Variants in FERMT1 observed in about 807,000 individuals in gnomAD.
The protein encoded by FERMT1 is FERM domain containing kindlin 1.
FERMT1 carries 60 observed loss-of-function variants against 85.3 expected under a neutral mutation model. The ratio of observed to expected loss-of-function variants is 0.70; its 90% CI spans 0.57 to 0.87. The LOEUF (loss-of-function observed/expected upper bound fraction) is 0.87. Ranked by LOEUF, FERMT1 falls within the 40% of genes least tolerant of loss-of-function variation. The pLI is 0.00. For synonymous variants in FERMT1, 275 were observed against 301.1 expected, an observed-to-expected ratio of 0.91 and a Z score of 0.90; for missense variants, 701 against 818.9, an observed-to-expected ratio of 0.86 and a Z score of 1.76.
rs944681018 is a variant in FERMT1 at position 6,075,240 on chromosome 20, T to C, written c.*1933A>G. On this transcript the variant is annotated 3_prime_UTR_variant, in exon 15 of 15. Coordinates refer to ENST00000217289, the MANE Select transcript of FERMT1 (RefSeq NM_017671.5). ...TGTTGAACTGAAGGTCTGGCTTTGG[T>C]AAATTAGGCAGAGATGTTCTCAGCA... 6.6e-6 allele frequency: 1 copy of C among 152,226 alleles called. No homozygotes were observed. Among genetic ancestry groups the C allele is most frequent in the Non-Finnish European group, 1.5e-5 (1 of 68,020 alleles). The allele number at this position is 152,226 out of a possible 1,614,324, so 9.4% of individuals were successfully genotyped here.
At chr20:6,113,876 C>G (rs931607722) in intron 3 of FERMT1, among the ~76,000 whole-genome samples, 20 of 152,330 alleles carry the variant, frequency 1.3e-4, no homozygotes, top group Admixed American at 7.2e-4. Context: ...ATCCTTATCT[C>G]AGGGTCTTCT....
At chr20:6,078,779 G>A (rs990556584) in intron 14 of FERMT1, among the ~76,000 whole-genome samples, 1 of 151,996 alleles carries the variant, frequency 6.6e-6, no homozygotes. Flanking sequence ...TTAAATTAGC[G>A]GCAGGATGCT....
chr20:6,082,897 C>T (rs1237952216), intron 13 of FERMT1, among the ~76,000 whole-genome samples: 1 of 152,002 alleles, frequency 6.6e-6, no homozygotes, highest in Admixed American at 6.6e-5. Context: ...TGAGCTCAGG[C>T]AATCCGTCCA....
intron 11 of FERMT1, 72 bp from the exon 12 acceptor site, chr20:6,085,359 G>A: frequency 7.3e-7 from 1 of 1,365,254 alleles, no homozygotes; most frequent in South Asian, 1.2e-5. Context: ...GGGGACTTGG[G>A]CTTTCTACCC....
At chr20:6,119,849 G>T (rs547541226) in intron 1 of FERMT1, among the ~76,000 whole-genome samples, 1 of 151,674 alleles carries the variant, frequency 6.6e-6, no homozygotes, top group African/African-American at 2.4e-5. Context: ...TATTTCCTTC[G>T]TCCACCCAAT....
intron 1 of FERMT1, among the ~76,000 whole-genome samples, chr20:6,120,102 A>G (rs553891727): frequency 6.6e-6 from 1 of 152,242 alleles, no homozygotes; most frequent in East Asian, 1.9e-4. Context: ...TAATATCTTT[A>G]ATATATGTAT....
At position 6,076,242 on chromosome 20, in the gene FERMT1, T is replaced by C. The variant is rs1981816355; in HGVS notation, c.*931A>G. The C allele has an allele frequency of 4.7e-5, 16 of 338,946 alleles. No homozygotes were observed. Among genetic ancestry groups the C allele is most frequent in the South Asian group, 3.8e-4 (16 of 42,226 alleles). 21.0% of individuals were successfully genotyped at this position (338,946 alleles called of 1,614,324 possible). On this transcript the variant is annotated 3_prime_UTR_variant, in exon 15 of 15. Coordinates refer to ENST00000217289, the MANE Select transcript of FERMT1 (RefSeq NM_017671.5). ...GGACATGGTGGTCTTTGAGAATGGG[T>C]CTGCCCTTCTCTCCCTGACCAGTTG... is the stretch of plus-strand genomic sequence containing the variant.
At chr20:6,083,278 G>C (rs1982051012) in intron 13 of FERMT1, among the ~76,000 whole-genome samples, 1 of 152,122 alleles carries the variant, frequency 6.6e-6, no homozygotes, top group Admixed American at 6.6e-5. Flanking sequence ...AGGATGCAGG[G>C]CTTTATGCCA....
At chr20:6,086,975 T>A (rs1982204790) in intron 11 of FERMT1, among the ~76,000 whole-genome samples, 1 of 152,068 alleles carries the variant, frequency 6.6e-6, no homozygotes. Flanking sequence ...ACTTTACAGT[T>A]CCTCCCACCA....
chr20:6,093,021 T>A (rs895835402), intron 9 of FERMT1, among the ~76,000 whole-genome samples: 1 of 152,116 alleles, frequency 6.6e-6, no homozygotes, highest in African/African-American at 2.4e-5. Flanking sequence ...GCTGATACCC[T>A]GTTGCTAGAA....
At chr20:6,088,809 A>G (rs986496782) in intron 10 of FERMT1, among the ~76,000 whole-genome samples, 156 bp downstream of exon 10, 1 of 151,726 alleles carries the variant, frequency 6.6e-6, no homozygotes, top group African/African-American at 2.4e-5. Flanking sequence ...TTTTTAGTAG[A>G]GATGGGGTTT....
chr20:6,088,916 G>T (rs765112131), intron 10 of FERMT1, 49 bp downstream of exon 10: 2 of 1,588,546 alleles, frequency 1.3e-6, no homozygotes, highest in South Asian at 2.2e-5. Context: ...GAGCCACCGC[G>T]TCTGCCCTGA....
rs368612173 is a variant in FERMT1, at chr20:6,110,331, C to T, written c.713G>A (p.Arg238Gln). The T allele has an allele frequency of 2.0e-5, 33 of 1,613,336 alleles. No individual in the cohort carries two copies. The highest frequency in any genetic ancestry group is 1.8e-4 in the Middle Eastern group (1 of 5,610). Residue 238 changes from arginine (R) to glutamine (Q), a missense_variant, in exon 5 of 15, where the codon CGG (arginine) becomes CAG (glutamine). Arg to Gln is a conservative substitution (Grantham distance 43). Coordinates refer to ENST00000217289, the MANE Select transcript of FERMT1 (RefSeq NM_017671.5). ...PEALADMYQP[R>Q]SLVDKAKLNA... ...GAGCTTGGCTTTATCAACCAGAGAC[C>T]GAGGCTGGTACATATCCGCAAGTGC...
intron 9 of FERMT1, among the ~76,000 whole-genome samples, chr20:6,089,958 G>T (rs535530569): frequency 6.6e-6 from 1 of 152,206 alleles, no homozygotes; most frequent in Non-Finnish European, 1.5e-5. Context: ...AAACCTGGCC[G>T]TGGGGGCAGA....
intron 9 of FERMT1, among the ~76,000 whole-genome samples, chr20:6,094,613 C>T (rs1402225875): frequency 6.6e-6 from 1 of 152,194 alleles, no homozygotes; most frequent in Non-Finnish European, 1.5e-5. Context: ...CTGCCATTCA[C>T]TGAGCATGTA....
chr20:6,085,516 T>G (rs975618594), intron 11 of FERMT1, among the ~76,000 whole-genome samples: 8 of 152,138 alleles, frequency 5.3e-5, no homozygotes, highest in Non-Finnish European at 1.2e-4. Context: ...AGGATAGGAA[T>G]GTCAACTTTG....
rs767540244 is a variant in FERMT1 at position 6,110,368 on chromosome 20, G to C, written c.676C>G (p.Gln226Glu). ...CSILAFSQPP[Q>E]SPEALADMYQ... ...ATATCCGCAAGTGCTTCTGGGGACTGGGGGGGTTGGCTGAATGCGAGGATG... is the reference window on the plus strand; with the variant it reads ...ATATCCGCAAGTGCTTCTGGGGACTCGGGGGGTTGGCTGAATGCGAGGATG... The change falls in exon 5 of 15, where the codon CAG becomes GAG. Residue 226 changes from glutamine to glutamate, a missense_variant. By Grantham distance (29) the Gln-to-Glu change is conservative. Coordinates refer to ENST00000217289, the MANE Select transcript of FERMT1 (RefSeq NM_017671.5). 7 of 1,612,884 alleles carry C rather than the reference G, an allele frequency of 4.3e-6. No homozygotes were observed. The highest frequency in any genetic ancestry group is 1.1e-5 in the South Asian group (1 of 91,058).
In FERMT1 at chr20:6,076,061, A is replaced by G. The variant is rs1981811124; in HGVS notation, c.*1112T>C. ...AGTCTATTATTGGCTTGTGATTTAC[A>G]AAAGCCAAAGTCCTTTAGATAAAAG... On this transcript the variant is annotated 3_prime_UTR_variant, in exon 15 of 15. Coordinates refer to ENST00000217289, the MANE Select transcript of FERMT1 (RefSeq NM_017671.5). The G allele has an allele frequency of 6.4e-6, 1 of 156,984 alleles. No homozygotes were observed. The highest frequency in any genetic ancestry group is 2.4e-5 in the African/African-American group (1 of 41,550). The allele number at this position is 156,984 out of a possible 1,614,324, so 9.7% of individuals were successfully genotyped here. A position where few individuals can be genotyped will look rare whatever the true frequency, so the allele number is the denominator to read the frequency against.
chr20:6,092,898 T>C (rs1982405990), intron 9 of FERMT1, among the ~76,000 whole-genome samples: 2 of 152,126 alleles, frequency 1.3e-5, no homozygotes, highest in Admixed American at 1.3e-4. Flanking sequence ...TCCTGCCTCA[T>C]TTCCTGTAAG....
Sources: allele counts gnomAD v4.1 joint callset (sites outside exome capture counted in the v4.1 genomes callset), GRCh38; gene constraint gnomAD v4.1.1; transcripts MANE v1.5; gene names NCBI Gene and HGNC (gene_info 2026-07-23, HGNC 2026-07-21).